The following PIK3C2G variants were observed in gnomAD, a reference collection of about 807,000 sequenced individuals.
The protein encoded by PIK3C2G is phosphatidylinositol-4-phosphate 3-kinase catalytic subunit type 2 gamma.
In PIK3C2G, 168 loss-of-function variants were observed where a neutral mutation model predicts 181.1. The ratio of observed to expected loss-of-function variants is 0.93; its 90% CI spans 0.82 to 1.05. PIK3C2G has a LOEUF of 1.05. PIK3C2G is among the 50% of genes least tolerant of loss of function. The pLI is 0.00. For synonymous variants in PIK3C2G, 573 were observed against 592.2 expected, an observed-to-expected ratio of 0.97 and a Z score of 0.47; for missense variants, 1,869 against 1,732.8, an observed-to-expected ratio of 1.08 and a Z score of -1.40.
At chr12:18,340,670 T>A (rs78522435) in intron 9 of PIK3C2G, among the ~76,000 whole-genome samples, 4,941 of 152,294 alleles carry the variant, frequency 0.032, 268 homozygotes, top group African/African-American at 0.11. Context: ...AGTTTCTATC[T>A]AAACATCCTG....
At position 18,648,004 on chromosome 12, in the gene PIK3C2G, T is replaced by G; in HGVS notation, c.4437T>G (p.Tyr1479Ter). 6.3e-7 allele frequency: 1 copy of G among 1,598,746 alleles called. No individual in the cohort carries two copies. Among genetic ancestry groups the G allele is most frequent in the East Asian group, 2.3e-5 (1 of 44,296 alleles). The change falls in exon 33 of 33, where the codon TAT (tyrosine) becomes TAG (stop). Residue 1479 changes from tyrosine to a stop codon, truncating the protein, a stop_gained. Coordinates refer to ENST00000538779, the MANE Select transcript of PIK3C2G (RefSeq NM_001288772.2). LOFTEE classifies it high-confidence loss of function. Reference protein sequence around the residue: ...CSVPLDKEKWYPLGNSII With the variant: ...CSVPLDKEKW ...TCCCACTCGATAAAGAAAAATGGTA[T>G]CCATTAGGAAACAGTATAATTTGAC... is the stretch of plus-strand genomic sequence containing the variant.
At chr12:18,379,950 A>G (rs1942725507) in intron 13 of PIK3C2G, among the ~76,000 whole-genome samples, 1 of 152,196 alleles carries the variant, frequency 6.6e-6, no homozygotes. Context: ...GAAACCAAAG[A>G]AGGCCCACAA....
intron 18 of PIK3C2G, among the ~76,000 whole-genome samples, chr12:18,479,028 CACATATAT>C (rs1939293490): frequency 6.8e-6 from 1 of 147,724 alleles, no homozygotes; most frequent in African/African-American, 2.5e-5. Flanking sequence ...TATACACACA[CACATATAT>C]ACATTATACA....
At chr12:18,688,527 C>G in the PIK3C2G span, among the ~76,000 whole-genome samples, 1 of 151,546 alleles carries the variant, frequency 6.6e-6, no homozygotes, top group Non-Finnish European at 1.5e-5. Context: ...GGTCGAGTTA[C>G]TCTGATAACG....
chr12:18,310,734 T>C (rs1476918974), intron 5 of PIK3C2G, among the ~76,000 whole-genome samples: 1 of 151,658 alleles, frequency 6.6e-6, no homozygotes, highest in Non-Finnish European at 1.5e-5. Flanking sequence ...CAAAAATGGC[T>C]CAAATAAACC....
intron 29 of PIK3C2G, among the ~76,000 whole-genome samples, chr12:18,590,061 T>C (rs185564606): frequency 2.6e-5 from 4 of 151,978 alleles, no homozygotes; most frequent in Non-Finnish European, 5.9e-5. Context: ...AAACAATCAT[T>C]TATTCTCTCT....
At chr12:18,515,935 T>A (rs893110777) in intron 24 of PIK3C2G, among the ~76,000 whole-genome samples, 2 of 152,032 alleles carry the variant, frequency 1.3e-5, no homozygotes, top group African/African-American at 4.8e-5. Context: ...CCTCAAGGAA[T>A]TTTTTTAAAT....
intron 6 of PIK3C2G, among the ~76,000 whole-genome samples, chr12:18,315,921 G>T (rs957363887): frequency 6.6e-6 from 1 of 151,176 alleles, no homozygotes; most frequent in African/African-American, 2.5e-5. Context: ...GTGTGTGTGT[G>T]TAATTTTTTT....
At chr12:18,445,222 C>A (rs563974534) in intron 18 of PIK3C2G, among the ~76,000 whole-genome samples, 2 of 151,990 alleles carry the variant, frequency 1.3e-5, no homozygotes, top group Admixed American at 6.5e-5. Context: ...TGTTGTATAT[C>A]ATCTTTTCAG....
the PIK3C2G span, chr12:18,701,510 C>T: frequency 6.2e-7 from 1 of 1,613,994 alleles, no homozygotes; most frequent in Non-Finnish European, 8.5e-7. Flanking sequence ...CCTTCTTTTT[C>T]TTGAAAAGCA....
chr12:18,258,175 C>T (rs1244153762), upstream of PIK3C2G, among the ~76,000 whole-genome samples: 1 of 151,996 alleles, frequency 6.6e-6, no homozygotes, highest in Admixed American at 6.6e-5. Flanking sequence ...TCAATCTACT[C>T]TTTTATATTG....
At chr12:18,705,645 C>T in the PIK3C2G span, among the ~76,000 whole-genome samples, 2 of 151,716 alleles carry the variant, frequency 1.3e-5, no homozygotes, top group Non-Finnish European at 1.5e-5. Context: ...GCGGGCGGAT[C>T]ACCTGAGGTC....
chr12:18,527,408 T>A (rs1943298906), intron 24 of PIK3C2G, among the ~76,000 whole-genome samples: 1 of 152,212 alleles, frequency 6.6e-6, no homozygotes, highest in African/African-American at 2.4e-5. Context: ...CAATGCCTCA[T>A]ACATACATTT....
chr12:18,656,972 C>T, the PIK3C2G span, among the ~76,000 whole-genome samples: 11 of 152,130 alleles, frequency 7.2e-5, no homozygotes, highest in Non-Finnish European at 2.9e-5. Context: ...CAGCAGCTCA[C>T]ATTTTTTGTA....
chr12:18,697,566 A>G, the PIK3C2G span, among the ~76,000 whole-genome samples: 1 of 152,286 alleles, frequency 6.6e-6, no homozygotes, highest in African/African-American at 2.4e-5. Context: ...GTTTGTTATT[A>G]CAAATACAGT....
chr12:18,695,204 A>G, the PIK3C2G span: 1 of 920,818 alleles, frequency 1.1e-6, no homozygotes, highest in Non-Finnish European at 1.7e-6. Flanking sequence ...AAGTATCATT[A>G]GCCTAATAAT....
rs1238628834 is a variant in PIK3C2G at position 18,648,285 on chromosome 12, T to G, written c.*257T>G. 4.0e-6 allele frequency: 1 copy of G among 248,522 alleles called. No homozygotes were observed. 15.4% of individuals were successfully genotyped at this position (248,522 alleles called of 1,614,324 possible). A position where few individuals can be genotyped will look rare whatever the true frequency, so the allele number is the denominator to read the frequency against. ...GTGTAAAATAATAAAAGACCTTTAT[T>G]AAATCATTTTAATATATTTTAAATT... On this transcript the variant is annotated 3_prime_UTR_variant, in exon 33 of 33. Transcript: ENST00000538779.
chr12:18,639,404 G>A (rs1395781209), intron 31 of PIK3C2G, among the ~76,000 whole-genome samples: 1 of 151,946 alleles, frequency 6.6e-6, no homozygotes, highest in African/African-American at 2.4e-5. Context: ...TATATTTCTT[G>A]AAAATTACTG....
At chr12:18,383,774 C>T (rs188729046) in intron 14 of PIK3C2G, among the ~76,000 whole-genome samples, 3 of 150,910 alleles carry the variant, frequency 2.0e-5, no homozygotes, top group Non-Finnish European at 3.0e-5. Context: ...ACAGGAAGAT[C>T]GGATATGTGA....
Sources: allele counts gnomAD v4.1 joint callset (sites outside exome capture counted in the v4.1 genomes callset), GRCh38; gene constraint gnomAD v4.1.1; transcripts MANE v1.5; gene names NCBI Gene and HGNC (gene_info 2026-07-23, HGNC 2026-07-21).